Variants in CHRNA5 observed in about 807,000 individuals in gnomAD.
The protein encoded by CHRNA5 is neuronal acetylcholine receptor subunit alpha-5.
A neutral mutation model predicts 41.2 loss-of-function variants in CHRNA5; 28 were observed. The observed-to-expected ratio is 0.68, with a 90% CI of 0.50 to 0.93. CHRNA5 has a LOEUF of 0.93. Among genes scored for constraint, CHRNA5 ranks in the 40% least tolerant of loss-of-function variants. The pLI, the probability that CHRNA5 is intolerant of heterozygous loss-of-function variation, is 0.00. For missense variants in CHRNA5, 481 were observed against 581.9 expected (o/e 0.83, Z 1.78); for synonymous variants, 188 against 205.8 (o/e 0.91, Z 0.74).
chr15:78,589,873 C>A, exon 5 of CHRNA5: 7 of 1,614,008 alleles, frequency 4.3e-6, no homozygotes, highest in Non-Finnish European at 5.9e-6. Flanking sequence ...GTCACCTGGA[C>A]TCCACCGGCA....
chr15:78,593,428 G>A (rs201284306), exon 6 of CHRNA5: 90 of 534,946 alleles, frequency 1.7e-4, no homozygotes, highest in Middle Eastern at 5.0e-4. Context: ...CTGTATGACT[G>A]AAGTAATAAC....
chr15:78,571,854 G>A (rs1328462254), intron 1 of CHRNA5, among the ~76,000 whole-genome samples: 1 of 152,052 alleles, frequency 6.6e-6, no homozygotes, highest in Non-Finnish European at 1.5e-5. Flanking sequence ...TGATTGGTAA[G>A]CATTCTTGTT....
At chr15:78,573,060 C>A (rs1230688666) in intron 1 of CHRNA5, among the ~76,000 whole-genome samples, 1 of 152,220 alleles carries the variant, frequency 6.6e-6, no homozygotes, top group African/African-American at 2.4e-5. Flanking sequence ...TGCTTATTAG[C>A]TACTAGTGTC....
At chr15:78,579,895 A>T (rs537861217) in intron 1 of CHRNA5, among the ~76,000 whole-genome samples, 1 of 152,198 alleles carries the variant, frequency 6.6e-6, no homozygotes, top group African/African-American at 2.4e-5. Context: ...CCTAAAAAGC[A>T]GTTTTATACA....
Position 78,565,827 on chromosome 15 carries a change from T to A in CHRNA5, c.106+2T>A. On this transcript the variant is annotated splice_donor_variant, in intron 1 of 5. Transcript: ENST00000299565. LOFTEE classifies it high-confidence loss of function. ...GCGCGGCGGGCGGCGCGCAGAGAGG[T>A]AAGCCCGGGCTGCAGAGGGGCGGGG... is the stretch of plus-strand genomic sequence containing the variant. 1 of 1,216,488 alleles carries A rather than the reference T, an allele frequency of 8.2e-7. No homozygotes were observed. The highest frequency in any genetic ancestry group is 1.0e-6 in the Non-Finnish European group (1 of 978,906). The allele number at this position is 1,216,488 out of a possible 1,614,324, so 75.4% of individuals were successfully genotyped here. A position where few individuals can be genotyped will look rare whatever the true frequency, so the allele number is the denominator to read the frequency against.
At chr15:78,572,233 T>A (rs925921959) in intron 1 of CHRNA5, among the ~76,000 whole-genome samples, 1 of 152,222 alleles carries the variant, frequency 6.6e-6, no homozygotes, top group African/African-American at 2.4e-5. Flanking sequence ...TCAGCAGTTT[T>A]ACTTCTGAGA....
At chr15:78,567,916 G>A (rs2052764646) in intron 1 of CHRNA5, among the ~76,000 whole-genome samples, 1 of 152,156 alleles carries the variant, frequency 6.6e-6, no homozygotes, top group Non-Finnish European at 1.5e-5. Flanking sequence ...GTCGTTCCAT[G>A]TGGGTGGCTG....
chr15:78,572,672 G>A (rs538245165), intron 1 of CHRNA5, among the ~76,000 whole-genome samples: 2 of 151,916 alleles, frequency 1.3e-5, no homozygotes, highest in South Asian at 2.1e-4. Flanking sequence ...TAGTAGAGAC[G>A]GAGTTTCTCC....
At chr15:78,593,151 T>A (rs144352852) in exon 6 of CHRNA5, 34 of 1,613,402 alleles carry the variant, frequency 2.1e-5, no homozygotes, top group African/African-American at 4.0e-5. Flanking sequence ...TGTGGACTTT[T>A]CTTTTCGTTT....
chr15:78,587,944 A>G (rs1159886031), intron 3 of CHRNA5, among the ~76,000 whole-genome samples: 1 of 152,200 alleles, frequency 6.6e-6, no homozygotes, highest in Admixed American at 6.5e-5. Flanking sequence ...TTTTGCATGG[A>G]CCAGAACAGC....
intron 1 of CHRNA5, among the ~76,000 whole-genome samples, chr15:78,571,898 T>G (rs1471743918): frequency 6.6e-6 from 1 of 152,180 alleles, no homozygotes; most frequent in Admixed American, 6.5e-5. Context: ...TAATACACAT[T>G]TTCCCTCGTT....
rs1184854771 is a variant in CHRNA5 at position 78,585,962 on chromosome 15, T to C, written c.259-683T>C. On this transcript the variant is annotated intron_variant, in intron 2 of 5. Transcript: ENST00000299565. ...ACCATGCCTGGCTAATTTTTTGTAT[T>C]TTTTTTTTTTAAGTGGAGATGGGGT... Among the ~76,000 whole-genome samples the C allele has an allele frequency of 3.1e-4, 6 of 19,518 alleles. No individual in the cohort carries two copies. In the Admixed American group the frequency reaches 5.5e-3, roughly 18 times the overall value. 12.8% of individuals were successfully genotyped at this position (19,518 alleles called of 152,430 possible).
rs2052906240 is a variant in CHRNA5 at position 78,580,870 on chromosome 15, C to A, written c.166C>A (p.Gln56Lys). 3 of 1,613,386 alleles carry A rather than the reference C, an allele frequency of 1.9e-6. No individual in the cohort carries two copies. The Admixed American group carries it at 5.0e-5, about 27-fold the overall frequency. The change falls in exon 2 of 6, where the codon CAA becomes AAA. Residue 56 changes from glutamine to lysine, a missense_variant. Coordinates refer to ENST00000299565, the Ensembl canonical transcript of CHRNA5. Reference sequence around the variant, plus strand: ...AGATAGTTTGCTTAAGGATTTATTTCAAGACTACGAAAGATGGGTTCGTCC... The same window carrying A: ...AGATAGTTTGCTTAAGGATTTATTTAAAGACTACGAAAGATGGGTTCGTCC...
At chr15:78,569,380 TA>T (rs1445332211) in intron 1 of CHRNA5, among the ~76,000 whole-genome samples, 4 of 152,158 alleles carry the variant, frequency 2.6e-5, no homozygotes, top group Non-Finnish European at 1.5e-5. Flanking sequence ...GATGATAGTT[TA>T]AGTTCACTAT....
rs75583038 is a variant in CHRNA5 at position 78,590,016 on chromosome 15, A to T, written c.625A>T (p.Lys209Ter). The change falls in exon 5 of 6, where the codon AAG becomes TAG. Residue 209 changes from lysine (K) to a stop codon, truncating the protein, a stop_gained. Coordinates refer to ENST00000299565, the Ensembl canonical transcript of CHRNA5. LOFTEE classifies it high-confidence loss of function. ...AATTCTAGAGGACCAAGATGTAGAC[A>T]AGAGAGATTTTTTTGATAATGGAGA... is the stretch of plus-strand genomic sequence containing the variant. 6.2e-7 allele frequency: 1 copy of T among 1,614,204 alleles called. No individual in the cohort carries two copies. The highest frequency in any genetic ancestry group is 8.5e-7 in the Non-Finnish European group (1 of 1,180,020).
intron 2 of CHRNA5, 31 bp downstream of exon 2, chr15:78,580,993 T>C: frequency 6.3e-7 from 1 of 1,599,990 alleles, no homozygotes; most frequent in African/African-American, 1.3e-5. Flanking sequence ...ATAGTCAATT[T>C]CCCACAGATT....
At chr15:78,587,776 T>A (rs2052975009) in intron 3 of CHRNA5, among the ~76,000 whole-genome samples, 1 of 152,216 alleles carries the variant, frequency 6.6e-6, no homozygotes, top group African/African-American at 2.4e-5. Context: ...TTATCATCCC[T>A]AATTTTTATA....
rs142527742 is a variant in CHRNA5, at chr15:78,579,869, TCTTC to T, written c.107-934_107-931del. ...AGCATGCTATCTGCTATCTTCGAGT[TCTTC>T]CTTCCTTATTCCCTAAAAAGCAGTT... On this transcript the variant is annotated intron_variant, in intron 1 of 5. Transcript: ENST00000299565. Among the ~76,000 whole-genome samples, 1,182 of 152,326 alleles carry T rather than the reference TCTTC, an allele frequency of 7.8e-3. 6 individuals are homozygous for T. Among genetic ancestry groups the T allele is most frequent in the Middle Eastern group, 0.034 (10 of 294 alleles).
At chr15:78,589,767 T>C in intron 4 of CHRNA5, 38 bp from the exon 5 acceptor site, 1 of 1,440,512 alleles carries the variant, frequency 6.9e-7, no homozygotes, top group Non-Finnish European at 9.4e-7. Flanking sequence ...GTGCATTGTT[T>C]AATTTCTGCA....
Sources: gnomAD v4.1 joint callset for allele counts (sites outside exome capture counted in the v4.1 genomes callset) on GRCh38, gnomAD v4.1.1 for gene constraint, MANE v1.5 for transcripts, NCBI Gene and HGNC (gene_info 2026-07-23, HGNC 2026-07-21) for gene names.